The following NSD2 variants were observed in gnomAD, a reference collection of about 807,000 sequenced individuals.
The protein encoded by NSD2 is histone-lysine N-methyltransferase NSD2.
In NSD2, 12 loss-of-function variants were observed where a neutral mutation model predicts 139.0. That is an observed-to-expected ratio of 0.09 (90% CI 0.06 to 0.14). The LOEUF is 0.14. NSD2 is among the 10% of genes least tolerant of loss of function. The probability of loss-of-function intolerance (pLI) is 1.00; values close to 1 mark genes in which losing one functional copy is unlikely to be tolerated. For missense variants in NSD2, 1,155 were observed against 1,745.0 expected, an observed-to-expected ratio of 0.66 and a Z score of 6.02; for synonymous variants, 669 against 648.7, an observed-to-expected ratio of 1.03 and a Z score of -0.48.
At chr4:1,943,977 C>CCCTGCAAATGACCAAATGGTGT (rs1342812216) in intron 9 of NSD2, 2 of 1,065,150 alleles carry the variant, frequency 1.9e-6, no homozygotes, top group Non-Finnish European at 2.3e-6. Context: ...GAAAGCAAAA[C>CCCTGCAAATGACCAAATGGTGT]CCTGCAAATG....
intron 1 of NSD2, among the ~76,000 whole-genome samples, chr4:1,893,536 GTT>G (rs1233706276): frequency 6.8e-6 from 1 of 146,280 alleles, no homozygotes. Context: ...CTCTTTTTTT[GTT>G]TTTTGTTTTT....
At chr4:1,961,014 C>T (rs768257443) in intron 17 of NSD2, 21 bp from the exon 18 acceptor site, 16 of 1,602,548 alleles carry the variant, frequency 1.0e-5, no homozygotes, top group Non-Finnish European at 1.3e-5. Context: ...TTTGTCATGG[C>T]CACATGCTTG....
Position 1,948,494 on chromosome 4 carries a change from G to A in NSD2, c.1882-2578G>A, listed in dbSNP as rs931067892. ...TTTGCTCTCCTTGCGGGTGGTTGCC[G>A]AGCCGAGAGCATTGGATCCTCCCCG... On this transcript the variant is annotated intron_variant, in intron 9 of 21. Coordinates refer to ENST00000508803, the MANE Select transcript of NSD2 (RefSeq NM_001042424.3). This position sits in a 1 kb window ranked among gnomAD's most constrained non-coding sequence, Gnocchi z 4.5. The A allele has an allele frequency of 5.2e-5, 55 of 1,064,636 alleles. No individual in the cohort carries two copies. Among genetic ancestry groups the A allele is most frequent in the Non-Finnish European group, 5.9e-5 (52 of 878,010 alleles). 65.9% of individuals were successfully genotyped at this position (1,064,636 alleles called of 1,614,324 possible).
At chr4:1,920,338 T>C (rs1227599600) in intron 5 of NSD2, among the ~76,000 whole-genome samples, 1 of 152,060 alleles carries the variant, frequency 6.6e-6, no homozygotes, top group Admixed American at 6.6e-5. Context: ...TAATCCCAGC[T>C]ACTCAGGAGG....
In NSD2 at chr4:1,981,916, T is replaced by C; in HGVS notation, c.*3007T>C. 1 of 398,640 alleles carries C rather than the reference T, an allele frequency of 2.5e-6. No homozygotes were observed. The highest frequency in any genetic ancestry group is 3.6e-5 in the East Asian group (1 of 28,088). The allele number at this position is 398,640 out of a possible 1,614,324, so 24.7% of individuals were successfully genotyped here. On this transcript the variant is annotated 3_prime_UTR_variant, in exon 22 of 22. Coordinates refer to ENST00000508803, the MANE Select transcript of NSD2 (RefSeq NM_001042424.3). ...ACAGCCTCACCATACCCTGTTGAGG[T>C]GTGAAATGCCCCGTCAGAAATTAAA...
rs1047090143 is a variant in NSD2 at position 1,980,269 on chromosome 4, GTTCTTTTTT to G, written c.*1362_*1370del. 2 of 233,082 alleles carry G rather than the reference GTTCTTTTTT, an allele frequency of 8.6e-6. No individual in the cohort carries two copies. Among genetic ancestry groups the G allele is most frequent in the African/African-American group, 4.4e-5 (2 of 45,334 alleles). 14.4% of individuals were successfully genotyped at this position (233,082 alleles called of 1,614,324 possible). ...AGTACTACATATGTTTTAAGACTTGGTTCTTTTTTTGAGGGATCCTTGACCCTGGGAAGT... is the reference window on the plus strand; with the variant it reads ...AGTACTACATATGTTTTAAGACTTGGTGAGGGATCCTTGACCCTGGGAAGT... On this transcript the variant is annotated 3_prime_UTR_variant, in exon 22 of 22. Coordinates refer to ENST00000508803, the MANE Select transcript of NSD2 (RefSeq NM_001042424.3).
rs983665522 is a variant in NSD2 at position 1,972,480 on chromosome 4, G to A, written c.3373-2383G>A. 6.6e-6 allele frequency among the ~76,000 whole-genome samples: 1 copy of A among 152,256 alleles called. No homozygotes were observed. Among genetic ancestry groups the A allele is most frequent in the African/African-American group, 2.4e-5 (1 of 41,478 alleles). On this transcript the variant is annotated intron_variant, in intron 18 of 21. Coordinates refer to ENST00000508803, the MANE Select transcript of NSD2 (RefSeq NM_001042424.3). The surrounding 1 kb of genome is among the most constrained non-coding windows in gnomAD (Gnocchi z 4.0). Reference sequence around the variant, plus strand: ...TTATCTTGAAGCCTTACTGTGGGAAGGGTGGGCGTGTCCTGGGGGTGACAG... The same window carrying A: ...TTATCTTGAAGCCTTACTGTGGGAAAGGTGGGCGTGTCCTGGGGGTGACAG...
Position 1,948,755 on chromosome 4 carries a change from T to A in NSD2, c.1882-2317T>A. The A allele has an allele frequency of 9.5e-6, 10 of 1,047,788 alleles. No homozygotes were observed. The highest frequency in any genetic ancestry group is 1.2e-5 in the Non-Finnish European group (10 of 867,242). 64.9% of individuals were successfully genotyped at this position (1,047,788 alleles called of 1,614,324 possible). A position where few individuals can be genotyped will look rare whatever the true frequency, so the allele number is the denominator to read the frequency against. On this transcript the variant is annotated intron_variant, in intron 9 of 21. Coordinates refer to ENST00000508803, the MANE Select transcript of NSD2 (RefSeq NM_001042424.3). This position sits in a 1 kb window ranked among gnomAD's most constrained non-coding sequence, Gnocchi z 4.5. ...AGACTTTGTTAATGTAGGAAATCTC[T>A]CCAAGTGGAAACGTGCTAACTTTTT... is the stretch of plus-strand genomic sequence containing the variant.
Position 1,948,673 on chromosome 4 carries a change from G to GTTAA in NSD2, c.1882-2398_1882-2395dup. ...TCAGGAAATGAGCCTCATGTGTGTC[G>GTTAA]TTAACATTTATATATTTCCATTCAA... On this transcript the variant is annotated intron_variant, in intron 9 of 21. Transcript: ENST00000508803. This position sits in a 1 kb window ranked among gnomAD's most constrained non-coding sequence, Gnocchi z 4.5. 9 of 1,057,406 alleles carry GTTAA rather than the reference G, an allele frequency of 8.5e-6. No individual in the cohort carries two copies. The highest frequency in any genetic ancestry group is 1.0e-5 in the Non-Finnish European group (9 of 873,350). The allele number at this position is 1,057,406 out of a possible 1,614,324, so 65.5% of individuals were successfully genotyped here.
rs990453080 is a variant in NSD2 at position 1,871,504 on chromosome 4, C to T, written c.-68C>T. On this transcript the variant is annotated 5_prime_UTR_variant, in exon 1 of 22. Coordinates refer to ENST00000508803, the MANE Select transcript of NSD2 (RefSeq NM_001042424.3). ...GCCCCGGCCCCCTCCCAGCCTGCCG[C>T]TCCGGAGAGCCGCCCGCCGAGGATG... is the stretch of plus-strand genomic sequence containing the variant. 1.3e-5 allele frequency: 2 copies of T among 150,934 alleles called. No individual in the cohort carries two copies. The highest frequency in any genetic ancestry group is 3.0e-5 in the Non-Finnish European group (2 of 67,412). 9.3% of individuals were successfully genotyped at this position (150,934 alleles called of 1,614,324 possible).
At chr4:1,967,561 G>C (rs1726014153) in intron 18 of NSD2, among the ~76,000 whole-genome samples, 1 of 151,430 alleles carries the variant, frequency 6.6e-6, no homozygotes, top group African/African-American at 2.4e-5. Context: ...CCAGGCAACA[G>C]AGCGAGACTT....
At chr4:1,950,825 A>T (rs1446047818) in intron 9 of NSD2, among the ~76,000 whole-genome samples, 1 of 152,256 alleles carries the variant, frequency 6.6e-6, no homozygotes, top group Non-Finnish European at 1.5e-5. Context: ...TCTTATATGC[A>T]TATATATGCT....
intron 5 of NSD2, among the ~76,000 whole-genome samples, chr4:1,930,105 G>A (rs1180109953): frequency 6.6e-6 from 1 of 152,158 alleles, no homozygotes; most frequent in Non-Finnish European, 1.5e-5. Flanking sequence ...TTTTGGCTGT[G>A]CAAGGTTGTC....
intron 9 of NSD2, among the ~76,000 whole-genome samples, chr4:1,949,613 T>A (rs1724001327): frequency 1.3e-5 from 2 of 152,038 alleles, no homozygotes; most frequent in African/African-American, 4.8e-5. Context: ...ATACAAAAAA[T>A]TTAGCCGGAC....
At chr4:1,975,764 C>T (rs143464964) in intron 20 of NSD2, 136 of 237,198 alleles carry the variant, frequency 5.7e-4, no homozygotes, top group Non-Finnish European at 1.0e-3. Context: ...TGTAGCAGCA[C>T]CGCCCAACCA....
chr4:1,946,343 CT>C, intron 9 of NSD2: 3 of 569,626 alleles, frequency 5.3e-6, no homozygotes, highest in Non-Finnish European at 6.8e-6. Flanking sequence ...TCTCGGCTCA[CT>C]GCAACCTCCG....
intron 9 of NSD2, among the ~76,000 whole-genome samples, chr4:1,950,685 C>T (rs1230274946): frequency 2.0e-5 from 3 of 152,160 alleles, no homozygotes; most frequent in Non-Finnish European, 2.9e-5. Context: ...TTTCTCCCAC[C>T]TTAGAGTAGT....
At chr4:1,887,946 A>G (rs1577362841) in intron 1 of NSD2, among the ~76,000 whole-genome samples, 1 of 151,016 alleles carries the variant, frequency 6.6e-6, no homozygotes, top group Non-Finnish European at 1.5e-5. Context: ...TTTCTCCCAG[A>G]GCTGTCTTCC....
intron 6 of NSD2, among the ~76,000 whole-genome samples, chr4:1,934,294 A>G (rs1371606675): frequency 1.3e-5 from 2 of 151,672 alleles, no homozygotes; most frequent in Admixed American, 6.6e-5. Context: ...CATGTTGGTC[A>G]GGCTGGTCTC....
Sources: gnomAD v4.1 joint callset for allele counts (sites outside exome capture counted in the v4.1 genomes callset) on GRCh38, gnomAD v4.1.1 for gene constraint, Gnocchi (gnomAD v3.1) non-coding constraint, MANE v1.5 for transcripts, NCBI Gene and HGNC (gene_info 2026-07-23, HGNC 2026-07-21) for gene names.